Variants in HAS2 observed in about 807,000 individuals in gnomAD.
HAS2 encodes the protein HA synthase 2.
Under a neutral mutation model 51.6 loss-of-function variants are expected in HAS2, and 16 were observed. That is an observed-to-expected ratio of 0.31 (90% CI 0.21 to 0.47). The LOEUF (loss-of-function observed/expected upper bound fraction) is 0.47, where lower values mean the gene tolerates loss of function less well. Ranked by LOEUF, HAS2 falls within the 20% of genes least tolerant of loss-of-function variation. The pLI, the probability that HAS2 is intolerant of heterozygous loss-of-function variation, is 1.00. For synonymous variants in HAS2, 228 were observed against 235.5 expected (o/e 0.97, Z 0.29); for missense variants, 361 against 662.6 (o/e 0.54, Z 5.00).
At chr8:121,640,222 G>A (rs1271678754) in intron 1 of HAS2, 18 of 152,426 alleles carry the variant, frequency 1.2e-4, no homozygotes, top group Admixed American at 1.2e-3. Context: ...AAGTGCAAAG[G>A]AGGGGAGGCC....
In HAS2 at chr8:121,628,738, C is replaced by T. The variant is rs1372381402; in HGVS notation, c.603G>A (p.Leu201=). Residue 201 remains leucine, a synonymous_variant, in exon 2 of 4, where the codon CTG becomes CTA. Transcript: ENST00000303924. The part of the protein sequence containing the change: ...REVMYTAFRA[L]GRSVDYVQVC... Reference sequence around the variant, plus strand: ...CCTGTACATAATCCACACTTCGTCCCAGTGCTCTGAAGGCTGTGTACATGA... The same window carrying T: ...CCTGTACATAATCCACACTTCGTCCTAGTGCTCTGAAGGCTGTGTACATGA... 6.2e-7 allele frequency: 1 copy of T among 1,613,842 alleles called. No individual in the cohort carries two copies. Among genetic ancestry groups the T allele is most frequent in the African/African-American group, 1.3e-5 (1 of 74,912 alleles).
chr8:121,626,057 C>CT (rs1411333682), intron 2 of HAS2, among the ~76,000 whole-genome samples: 1 of 152,050 alleles, frequency 6.6e-6, no homozygotes, highest in African/African-American at 2.4e-5. Context: ...GAGCTGGTAG[C>CT]TGTTAAAGCT....
At chr8:121,631,632 G>A (rs989065620) in intron 1 of HAS2, among the ~76,000 whole-genome samples, 2 of 152,200 alleles carry the variant, frequency 1.3e-5, no homozygotes, top group Non-Finnish European at 2.9e-5. Context: ...GGGGAATGGT[G>A]AAATGCTGAG....
rs1168428220 is a variant in HAS2 at position 121,640,843 on chromosome 8, T to C, written c.-1+10A>G. 1 of 152,118 alleles carries C rather than the reference T, an allele frequency of 6.6e-6. No individual in the cohort carries two copies. Among genetic ancestry groups the C allele is most frequent in the Non-Finnish European group, 1.5e-5 (1 of 68,034 alleles). 9.4% of individuals were successfully genotyped at this position (152,118 alleles called of 1,614,324 possible). ...TTCATCCTTCACCAAAACGCGCCAG[T>C]GTAACGTACCTTGTTCAGCTCTTGG... On this transcript the variant is annotated intron_variant, in intron 1 of 3. Coordinates refer to ENST00000303924, the MANE Select transcript of HAS2 (RefSeq NM_005328.3).
intron 1 of HAS2, among the ~76,000 whole-genome samples, chr8:121,635,480 T>C (rs1470650655): frequency 1.3e-5 from 2 of 152,184 alleles, no homozygotes; most frequent in East Asian, 1.9e-4. Context: ...GTAATAACTA[T>C]GGCATGATGA....
chr8:121,633,238 C>A (rs1812959197), intron 1 of HAS2, among the ~76,000 whole-genome samples: 1 of 151,260 alleles, frequency 6.6e-6, no homozygotes, highest in South Asian at 2.1e-4. Context: ...CTCCCCTTCC[C>A]AGGTTCAATT....
chr8:121,625,376 T>A (rs1371254726), intron 2 of HAS2, among the ~76,000 whole-genome samples: 1 of 152,140 alleles, frequency 6.6e-6, no homozygotes, highest in Non-Finnish European at 1.5e-5. Context: ...TTCAAAGAGG[T>A]ACAAACTTTT....
At chr8:121,619,152 G>A (rs1370807591) in intron 2 of HAS2, among the ~76,000 whole-genome samples, 1 of 151,958 alleles carries the variant, frequency 6.6e-6, no homozygotes, top group Non-Finnish European at 1.5e-5. Flanking sequence ...AAGGCGGGGG[G>A]ATTGTTTGAG....
chr8:121,635,224 CT>C (rs766401654), intron 1 of HAS2, among the ~76,000 whole-genome samples: 21 of 152,266 alleles, frequency 1.4e-4, no homozygotes, highest in Non-Finnish European at 2.6e-4. Context: ...CTGGCTCTTC[CT>C]TTTAGTGGCT....
chr8:121,638,509 C>G (rs1366777756), intron 1 of HAS2, among the ~76,000 whole-genome samples: 1 of 152,136 alleles, frequency 6.6e-6, no homozygotes, highest in African/African-American at 2.4e-5. Context: ...TTACCCGACT[C>G]AGGTGATATC....
In HAS2 at chr8:121,629,117, AG is replaced by A. The variant is rs768013252; in HGVS notation, c.223del (p.Leu75Ter). The A allele has an allele frequency of 6.2e-7, 1 of 1,614,090 alleles. No individual in the cohort carries two copies. On this transcript the variant is annotated frameshift_variant, in exon 2 of 4. Transcript: ENST00000303924. LOFTEE classifies it high-confidence loss of function. Reference protein sequence around the residue: ...FLEHRKMKKSLETPIKLNKTV... With the variant: ...FLEHRKMKKSXETPIKLNKTV... ...TTTGTTCAACTTTATGGGGGTTTCTAGGGATTTTTTCATTTTTCGGTGCTCC... is the reference window on the plus strand; with the variant it reads ...TTTGTTCAACTTTATGGGGGTTTCTAGGATTTTTTCATTTTTCGGTGCTCC...
chr8:121,631,983 G>A (rs1167462529), intron 1 of HAS2, among the ~76,000 whole-genome samples: 4 of 152,210 alleles, frequency 2.6e-5, no homozygotes, highest in Non-Finnish European at 5.9e-5. Flanking sequence ...GCATCTGCTG[G>A]CCACAGCTGA....
At chr8:121,625,925 T>C (rs1812844082) in intron 2 of HAS2, among the ~76,000 whole-genome samples, 1 of 152,144 alleles carries the variant, frequency 6.6e-6, no homozygotes, top group African/African-American at 2.4e-5. Flanking sequence ...GCTACCACAC[T>C]GGGTTTCTCT....
At position 121,641,158 on chromosome 8, in the gene HAS2, C is replaced by CTTTTT. The variant is rs71573616; in HGVS notation, c.-311_-307dup. 221 of 56,980 alleles carry CTTTTT rather than the reference C, an allele frequency of 3.9e-3. 2 individuals are homozygous for CTTTTT. Among genetic ancestry groups the CTTTTT allele is most frequent in the South Asian group, 6.1e-3 (8 of 1,310 alleles). The allele number at this position is 56,980 out of a possible 1,614,324, so 3.5% of individuals were successfully genotyped here. A position where few individuals can be genotyped will look rare whatever the true frequency, so the allele number is the denominator to read the frequency against. ...TAACTTTTCTTTTTTCTTTTCTTTTCTTTTTTTTTTTTTTTTTTTTTTGGG... is the reference window on the plus strand; with the variant it reads ...TAACTTTTCTTTTTTCTTTTCTTTTCTTTTTTTTTTTTTTTTTTTTTTTTTTTGGG... On this transcript the variant is annotated 5_prime_UTR_variant, in exon 1 of 4. Coordinates refer to ENST00000303924, the MANE Select transcript of HAS2 (RefSeq NM_005328.3).
At chr8:121,616,306 GT>G (rs955333437) in intron 3 of HAS2, among the ~76,000 whole-genome samples, 17 of 147,852 alleles carry the variant, frequency 1.1e-4, no homozygotes, top group Non-Finnish European at 1.9e-4. Context: ...TTGAGTCTCT[GT>G]TTTTTTTTAA....
rs948963509 is a variant in HAS2, at chr8:121,614,088, C to A, written c.*21G>T. ...GGAACTAAGGTGTTGTGTGTGACTGCAAACGTCAAAACATGGAAGATCATA... is the reference window on the plus strand; with the variant it reads ...GGAACTAAGGTGTTGTGTGTGACTGAAAACGTCAAAACATGGAAGATCATA... On this transcript the variant is annotated 3_prime_UTR_variant, in exon 4 of 4. Transcript: ENST00000303924. This position sits in a 1 kb window ranked among gnomAD's most constrained non-coding sequence, Gnocchi z 7.2. 6.2e-7 allele frequency: 1 copy of A among 1,613,798 alleles called. No individual in the cohort carries two copies.
intron 2 of HAS2, among the ~76,000 whole-genome samples, chr8:121,624,627 C>T (rs538914835): frequency 1.3e-5 from 2 of 152,282 alleles, no homozygotes; most frequent in South Asian, 2.1e-4. Flanking sequence ...ACATTTCCTC[C>T]GATAATCTTC....
At chr8:121,623,788 C>T (rs1812807253) in intron 2 of HAS2, among the ~76,000 whole-genome samples, 3 of 152,152 alleles carry the variant, frequency 2.0e-5, no homozygotes, top group African/African-American at 4.8e-5. Context: ...TCAGTGAGCT[C>T]TTAGTCTTAA....
In HAS2 at chr8:121,614,775, T is replaced by C; in HGVS notation, c.993A>G (p.Thr331=). ...VLSLGYATKY[T]ARSKCLTETP... is the part of the protein sequence containing the mutation. The stretch of plus-strand genomic sequence containing the variant: ...TTTCAGTAAGGCACTTAGATCGAGC[T>C]GTGTATTTTGTTGCATAGCCCAGGC... Residue 331 remains threonine (T), a synonymous_variant, in exon 4 of 4, where the codon ACA becomes ACG. Coordinates refer to ENST00000303924, the MANE Select transcript of HAS2 (RefSeq NM_005328.3). The surrounding 1 kb of genome is among the most constrained non-coding windows in gnomAD (Gnocchi z 7.2). 6.2e-7 allele frequency: 1 copy of C among 1,614,248 alleles called. No individual in the cohort carries two copies. Among genetic ancestry groups the C allele is most frequent in the Non-Finnish European group, 8.5e-7 (1 of 1,180,042 alleles).
Sources: gnomAD v4.1 joint callset for allele counts (sites outside exome capture counted in the v4.1 genomes callset) on GRCh38, gnomAD v4.1.1 for gene constraint, Gnocchi (gnomAD v3.1) non-coding constraint, MANE v1.5 for transcripts, NCBI Gene and HGNC (gene_info 2026-07-23, HGNC 2026-07-21) for gene names.